AGBL1: variants seen among roughly 807,000 people sequenced by gnomAD.
AGBL1 encodes the protein AGBL carboxypeptidase 1.
Under a neutral mutation model 118.9 loss-of-function variants are expected in AGBL1, and 130 were observed. That is an observed-to-expected ratio of 1.09 (90% CI 0.95 to 1.26). The LOEUF (loss-of-function observed/expected upper bound fraction) is 1.26. Ranked by LOEUF, AGBL1 falls within the 50% of genes most tolerant of loss-of-function variation. AGBL1 has a pLI of 0.00. For missense variants in AGBL1, 1,584 were observed against 1,298.1 expected, an observed-to-expected ratio of 1.22 and a Z score of -3.38; for synonymous variants, 555 against 478.9, an observed-to-expected ratio of 1.16 and a Z score of -2.08.
At chr15:86,883,001 GGAGTTGCA>G (rs1252905103) in intron 22 of AGBL1, among the ~76,000 whole-genome samples, 1 of 152,124 alleles carries the variant, frequency 6.6e-6, no homozygotes, top group Admixed American at 6.5e-5. Context: ...TGAATTTAGA[GGAGTTGCA>G]GAGTTGCTTG....
At chr15:86,625,288 A>G (rs1567089187) in intron 21 of AGBL1, among the ~76,000 whole-genome samples, 1 of 147,950 alleles carries the variant, frequency 6.8e-6, no homozygotes, top group Non-Finnish European at 1.5e-5. Context: ...AGGATTGGCC[A>G]TGTCTTATTT....
At chr15:86,659,990 C>T (rs1274015934) in intron 21 of AGBL1, among the ~76,000 whole-genome samples, 2 of 152,030 alleles carry the variant, frequency 1.3e-5, no homozygotes, top group Non-Finnish European at 2.9e-5. Flanking sequence ...CCTCCCAACA[C>T]AGATGCACAC....
chr15:86,785,786 A>G (rs2078404082), intron 22 of AGBL1, among the ~76,000 whole-genome samples: 1 of 152,180 alleles, frequency 6.6e-6, no homozygotes, highest in Admixed American at 6.5e-5. Context: ...AAATCAGGTA[A>G]TCGAACCCCA....
intron 24 of AGBL1, among the ~76,000 whole-genome samples, chr15:86,995,336 G>A (rs2081370318): frequency 6.6e-6 from 1 of 152,114 alleles, no homozygotes; most frequent in South Asian, 2.1e-4. Flanking sequence ...TAGTGAGCCT[G>A]GATGGTGCCA....
intron 23 of AGBL1, among the ~76,000 whole-genome samples, chr15:86,986,199 C>T (rs1212364759): frequency 6.6e-6 from 1 of 152,234 alleles, no homozygotes; most frequent in African/African-American, 2.4e-5. Flanking sequence ...GCTAGGATTA[C>T]AGGCGTGAGC....
intron 21 of AGBL1, among the ~76,000 whole-genome samples, chr15:86,617,774 A>G (rs1039997310): frequency 6.6e-6 from 1 of 151,914 alleles, no homozygotes; most frequent in Non-Finnish European, 1.5e-5. Flanking sequence ...ACACACACAC[A>G]CACACACACA....
At chr15:86,154,353 C>G (rs1342492312) in intron 3 of AGBL1, 77 bp from the exon 4 acceptor site, 3 of 1,476,838 alleles carry the variant, frequency 2.0e-6, no homozygotes, top group Non-Finnish European at 2.7e-6. Context: ...ACCATCTTCC[C>G]CTTCCTCCAC....
intron 5 of AGBL1, among the ~76,000 whole-genome samples, chr15:86,159,991 G>T (rs965732195): frequency 2.0e-5 from 3 of 151,442 alleles, no homozygotes; most frequent in African/African-American, 7.3e-5. Context: ...TTGAATGCTG[G>T]TTTCTTTACT....
intron 22 of AGBL1, among the ~76,000 whole-genome samples, chr15:86,807,943 A>G (rs1377109365): frequency 6.6e-6 from 1 of 152,114 alleles, no homozygotes; most frequent in Non-Finnish European, 1.5e-5. Flanking sequence ...TAAGCTTCAC[A>G]CTTGGTAGTT....
chr15:86,471,093 C>A (rs576379453), intron 18 of AGBL1, among the ~76,000 whole-genome samples: 1 of 152,218 alleles, frequency 6.6e-6, no homozygotes, highest in Admixed American at 6.5e-5. Flanking sequence ...GGCATCCTTG[C>A]CTTCTTCCTG....
At chr15:86,538,517 A>T (rs1363253430) in intron 19 of AGBL1, among the ~76,000 whole-genome samples, 1 of 152,246 alleles carries the variant, frequency 6.6e-6, no homozygotes, top group Non-Finnish European at 1.5e-5. Flanking sequence ...AACTCCATTT[A>T]GGAACTTGGG....
intron 22 of AGBL1, among the ~76,000 whole-genome samples, chr15:86,730,913 G>A (rs1158356119): frequency 6.6e-6 from 1 of 151,838 alleles, no homozygotes; most frequent in Non-Finnish European, 1.5e-5. Context: ...CTGAAACCTC[G>A]GCCTCGTGGG....
chr15:86,810,699 AT>A (rs958689307), intron 22 of AGBL1, among the ~76,000 whole-genome samples: 1 of 151,642 alleles, frequency 6.6e-6, no homozygotes, highest in Non-Finnish European at 1.5e-5. Flanking sequence ...GCAGAGGAAA[AT>A]TTTTTTTCCA....
At chr15:86,636,007 G>T (rs7165358) in intron 21 of AGBL1, among the ~76,000 whole-genome samples, 2,598 of 152,128 alleles carry the variant, frequency 0.017, 73 homozygotes, top group African/African-American at 0.059. Context: ...GATTCACTAT[G>T]AACCATATAA....
chr15:86,685,923 G>C (rs967747147), intron 22 of AGBL1, among the ~76,000 whole-genome samples: 1 of 152,116 alleles, frequency 6.6e-6, no homozygotes, highest in Non-Finnish European at 1.5e-5. Context: ...CTGACTTCCT[G>C]TAATTTCAGT....
rs1182532627 is a variant in AGBL1 at position 86,264,331 on chromosome 15, C to T, written c.1160C>T (p.Ala387Val). The T allele has an allele frequency of 6.2e-7, 1 of 1,612,206 alleles. No homozygotes were observed. Among genetic ancestry groups the T allele is most frequent in the South Asian group, 1.1e-5 (1 of 90,622 alleles). Residue 387 changes from alanine to valine, a missense_variant, in exon 11 of 23, where the codon GCC becomes GTC. By Grantham distance (64) the Ala-to-Val change is moderately conservative. Coordinates refer to ENST00000614907, the MANE Select transcript of AGBL1 (RefSeq NM_001386094.1). ...TATGCCAATCACCACCACATTCCAG[C>T]CGCTGCCTCCTCAAAACAGCATTGC... ...TQYANHHHIP[A>V]AASSKQHCYS...
At chr15:86,996,367 C>G (rs1245291242) in intron 24 of AGBL1, among the ~76,000 whole-genome samples, 1 of 152,172 alleles carries the variant, frequency 6.6e-6, no homozygotes, top group African/African-American at 2.4e-5. Context: ...ACCTCTAGCA[C>G]CATATTAAAC....
intron 19 of AGBL1, among the ~76,000 whole-genome samples, chr15:86,540,130 A>T (rs1390159885): frequency 6.6e-6 from 1 of 152,196 alleles, no homozygotes; most frequent in Non-Finnish European, 1.5e-5. Flanking sequence ...ACCATGGGAT[A>T]ATCTAGATTA....
At chr15:86,215,243 G>GTGTGTGTGTA (rs2078168645) in intron 5 of AGBL1, among the ~76,000 whole-genome samples, 2 of 150,826 alleles carry the variant, frequency 1.3e-5, no homozygotes, top group Non-Finnish European at 3.0e-5. Context: ...GTGTGTGTGT[G>GTGTGTGTGTA]TGTGTGTGTG....
Sources: gnomAD v4.1 joint callset for allele counts (sites outside exome capture counted in the v4.1 genomes callset) on GRCh38, gnomAD v4.1.1 for gene constraint, MANE v1.5 for transcripts, NCBI Gene and HGNC (gene_info 2026-07-23, HGNC 2026-07-21) for gene names.